The following ERC2 variants were observed in gnomAD, a reference collection of about 807,000 sequenced individuals.
The protein encoded by ERC2 is ERC protein 2.
ERC2 carries 42 observed loss-of-function variants against 114.8 expected under a neutral mutation model. That is an observed-to-expected ratio of 0.37 (90% CI 0.29 to 0.47). ERC2 has a LOEUF of 0.47. Ranked by LOEUF, ERC2 falls within the 20% of genes least tolerant of loss-of-function variation. ERC2 has a pLI of 0.99. For synonymous variants in ERC2, 454 were observed against 425.5 expected, an observed-to-expected ratio of 1.07 and a Z score of -0.82; for missense variants, 939 against 1,150.7, an observed-to-expected ratio of 0.82 and a Z score of 2.66.
At chr3:55,999,151 A>G (rs925842702) in intron 10 of ERC2, among the ~76,000 whole-genome samples, 2 of 152,196 alleles carry the variant, frequency 1.3e-5, no homozygotes, top group African/African-American at 4.8e-5. Context: ...AAACACGCAT[A>G]TTATTTGTTT....
At chr3:56,461,326 G>A (rs530247386) in intron 1 of ERC2, among the ~76,000 whole-genome samples, 45 of 152,246 alleles carry the variant, frequency 3.0e-4, no homozygotes, top group African/African-American at 1.0e-3. Context: ...AACTCTTCAT[G>A]GCTTAAAACA....
intron 1 of ERC2, among the ~76,000 whole-genome samples, chr3:56,458,343 G>A (rs961171980): frequency 6.6e-6 from 1 of 152,182 alleles, no homozygotes; most frequent in African/African-American, 2.4e-5. Context: ...AAGCCAGAAA[G>A]GGAACTTAGG....
intron 12 of ERC2, among the ~76,000 whole-genome samples, chr3:55,956,513 T>C (rs2067966048): frequency 6.6e-6 from 1 of 152,088 alleles, no homozygotes; most frequent in African/African-American, 2.4e-5. Context: ...GAAGCTTTCA[T>C]AAATATTCTA....
At chr3:55,968,763 G>A (rs2068937103) in intron 12 of ERC2, among the ~76,000 whole-genome samples, 1 of 152,118 alleles carries the variant, frequency 6.6e-6, no homozygotes, top group South Asian at 2.1e-4. Flanking sequence ...TGCTAAAAAT[G>A]AATAGCTGCT....
At chr3:56,451,290 C>T (rs868227582) in intron 1 of ERC2, among the ~76,000 whole-genome samples, 7 of 151,718 alleles carry the variant, frequency 4.6e-5, no homozygotes, top group Admixed American at 1.3e-4. Context: ...ATAAGGATTA[C>T]GTGTAAATAG....
chr3:56,066,938 A>G (rs2149719406), intron 7 of ERC2, among the ~76,000 whole-genome samples: 1 of 152,216 alleles, frequency 6.6e-6, no homozygotes, highest in East Asian at 1.9e-4. Context: ...ACCATGCTGT[A>G]TTGGTTACCA....
intron 6 of ERC2, among the ~76,000 whole-genome samples, chr3:56,091,173 A>C (rs2077767583): frequency 6.6e-6 from 1 of 152,110 alleles, no homozygotes; most frequent in African/African-American, 2.4e-5. Context: ...AATGAGCCAG[A>C]AGGGAGAAAG....
chr3:56,358,393 A>T (rs942778229), intron 2 of ERC2, among the ~76,000 whole-genome samples: 6 of 152,220 alleles, frequency 3.9e-5, no homozygotes, highest in Non-Finnish European at 8.8e-5. Context: ...AGTTCCTAGC[A>T]TGAAGTAGAA....
intron 17 of ERC2, among the ~76,000 whole-genome samples, chr3:55,566,377 T>C (rs1004194867): frequency 1.3e-5 from 2 of 152,128 alleles, no homozygotes; most frequent in East Asian, 3.8e-4. Context: ...AATTATTCAA[T>C]GAATGCTTGC....
Position 55,785,793 on chromosome 3 carries a change from T to C in ERC2, c.2565-50875A>G, listed in dbSNP as rs150857134. Among the ~76,000 whole-genome samples the C allele has an allele frequency of 1.7e-3, 258 of 152,356 alleles. 1 individual carries two copies. Among genetic ancestry groups the C allele is most frequent in the African/African-American group, 5.7e-3 (236 of 41,578 alleles). Reference sequence around the variant, plus strand: ...CAGTTTGTCTTTTCTCCTGCCCCGCTGAGTTCAAATAATTGTTACTGATAA... The same window carrying C: ...CAGTTTGTCTTTTCTCCTGCCCCGCCGAGTTCAAATAATTGTTACTGATAA... On this transcript the variant is annotated intron_variant, in intron 14 of 17. Coordinates refer to ENST00000288221, the MANE Select transcript of ERC2 (RefSeq NM_015576.3).
Position 55,567,220 on chromosome 3 carries a change from G to C in ERC2, c.*40-55944C>G, listed in dbSNP as rs1484300657. On this transcript the variant is annotated intron_variant, in intron 17 of 17. Transcript: ENST00000288221. The stretch of plus-strand genomic sequence containing the variant: ...GATGGCAAGCAATCAATGATGGAGT[G>C]GTGAGGAGAGTTGTGAGTTGGAGAA... Among the ~76,000 whole-genome samples, 3 of 152,170 alleles carry C rather than the reference G, an allele frequency of 2.0e-5. No homozygotes were observed. In the East Asian group the frequency reaches 5.8e-4, roughly 29 times the overall value.
chr3:56,237,276 A>G (rs1156966722), intron 3 of ERC2, among the ~76,000 whole-genome samples: 1 of 152,290 alleles, frequency 6.6e-6, no homozygotes, highest in Middle Eastern at 3.4e-3. Context: ...TGGACTCCAC[A>G]TGTGTTTACT....
chr3:55,714,512 AT>A (rs2148865988), intron 15 of ERC2, among the ~76,000 whole-genome samples: 1 of 152,130 alleles, frequency 6.6e-6, no homozygotes, highest in African/African-American at 2.4e-5. Flanking sequence ...ACGTATTTGT[AT>A]TCACCAGAAG....
intron 12 of ERC2, among the ~76,000 whole-genome samples, chr3:55,971,408 T>C (rs1281019800): frequency 6.6e-6 from 1 of 152,202 alleles, no homozygotes; most frequent in African/African-American, 2.4e-5. Flanking sequence ...TAAAAAAGTT[T>C]ATAAAAAGAA....
At chr3:55,841,159 T>G (rs775143128) in intron 14 of ERC2, among the ~76,000 whole-genome samples, 2 of 152,144 alleles carry the variant, frequency 1.3e-5, no homozygotes, top group Non-Finnish European at 2.9e-5. Context: ...ATAATAAACT[T>G]AAATAAAACA....
At chr3:56,160,076 T>G (rs995522013) in intron 4 of ERC2, among the ~76,000 whole-genome samples, 2 of 152,244 alleles carry the variant, frequency 1.3e-5, no homozygotes, top group African/African-American at 4.8e-5. Context: ...ATCTCCAAAC[T>G]GCTTTCCACA....
chr3:56,193,011 G>T (rs1032139), intron 3 of ERC2, among the ~76,000 whole-genome samples: 12 of 152,136 alleles, frequency 7.9e-5, no homozygotes, highest in African/African-American at 1.7e-4. Flanking sequence ...CTACCTACCC[G>T]ATTTTGACTC....
intron 10 of ERC2, among the ~76,000 whole-genome samples, chr3:56,002,037 T>C (rs990442813): frequency 3.3e-5 from 5 of 152,148 alleles, no homozygotes; most frequent in African/African-American, 1.2e-4. Flanking sequence ...TTTGCTTCTC[T>C]GCTAAAATCT....
chr3:56,194,226 C>T (rs2047957867), intron 3 of ERC2, among the ~76,000 whole-genome samples: 1 of 151,968 alleles, frequency 6.6e-6, no homozygotes, highest in African/African-American at 2.4e-5. Context: ...GAATAGTGCC[C>T]CCTCCTCCCG....
Sources: gnomAD v4.1 joint callset for allele counts (sites outside exome capture counted in the v4.1 genomes callset) on GRCh38, gnomAD v4.1.1 for gene constraint, MANE v1.5 for transcripts, NCBI Gene and HGNC (gene_info 2026-07-23, HGNC 2026-07-21) for gene names.